Variants in EXOC6B observed in about 807,000 individuals in gnomAD.
EXOC6B encodes SEC15 homolog B.
In EXOC6B, 54 loss-of-function variants were observed where a neutral mutation model predicts 113.5. The ratio of observed to expected loss-of-function variants is 0.48; its 90% confidence interval spans 0.38 to 0.60. The LOEUF (loss-of-function observed/expected upper bound fraction) is 0.60, where lower values mean the gene tolerates loss of function less well. Ranked by LOEUF, EXOC6B falls within the 20% of genes least tolerant of loss-of-function variation. The pLI is 0.00. For missense variants in EXOC6B, 797 were observed against 977.5 expected (o/e 0.82, Z 2.46); for synonymous variants, 357 against 339.0 (o/e 1.05, Z -0.58).
intron 20 of EXOC6B, among the ~76,000 whole-genome samples, chr2:72,207,320 A>G (rs1384506375): frequency 1.3e-5 from 2 of 152,198 alleles, no homozygotes; most frequent in Non-Finnish European, 2.9e-5. Context: ...AGTGTGAGTT[A>G]CAATACAGCA....
intron 1 of EXOC6B, among the ~76,000 whole-genome samples, chr2:72,808,957 C>A (rs1435088910): frequency 6.6e-6 from 1 of 151,992 alleles, no homozygotes; most frequent in Non-Finnish European, 1.5e-5. Context: ...CACAGCTACT[C>A]AGGAGGCTGA....
At chr2:72,581,687 T>C (rs1307068027) in intron 6 of EXOC6B, among the ~76,000 whole-genome samples, 2 of 152,198 alleles carry the variant, frequency 1.3e-5, no homozygotes, top group African/African-American at 4.8e-5. Flanking sequence ...TCCCGCACCC[T>C]GCCCCTGCTG....
At chr2:72,296,804 A>G (rs1044161887) in intron 20 of EXOC6B, among the ~76,000 whole-genome samples, 1 of 152,164 alleles carries the variant, frequency 6.6e-6, no homozygotes, top group Non-Finnish European at 1.5e-5. Context: ...TTTTTTCCTC[A>G]GTTTCTAATC....
At chr2:72,650,526 G>A (rs544428460) in intron 6 of EXOC6B, among the ~76,000 whole-genome samples, 5 of 151,926 alleles carry the variant, frequency 3.3e-5, no homozygotes, top group Non-Finnish European at 7.4e-5. Context: ...ACTTGAACCC[G>A]GGAGGTGGAG....
chr2:72,626,992 C>G (rs1331525764), intron 6 of EXOC6B, among the ~76,000 whole-genome samples: 1 of 151,832 alleles, frequency 6.6e-6, no homozygotes, highest in African/African-American at 2.4e-5. Context: ...TTTTAATGAG[C>G]CTAAATGAGT....
chr2:72,279,963 A>G (rs1043149631), intron 20 of EXOC6B, among the ~76,000 whole-genome samples: 1 of 152,158 alleles, frequency 6.6e-6, no homozygotes, highest in Non-Finnish European at 1.5e-5. Context: ...GCCATTTAGA[A>G]ACTCATGACT....
At chr2:72,197,863 A>C (rs1448016368) in intron 20 of EXOC6B, among the ~76,000 whole-genome samples, 2 of 152,230 alleles carry the variant, frequency 1.3e-5, no homozygotes, top group African/African-American at 4.8e-5. Flanking sequence ...ACTAGAGTAC[A>C]TAATCCTCCT....
chr2:72,621,469 A>T (rs1310243104), intron 6 of EXOC6B, among the ~76,000 whole-genome samples: 1 of 152,180 alleles, frequency 6.6e-6, no homozygotes, highest in Admixed American at 6.5e-5. Context: ...ATATATGGAC[A>T]TAAACATGGG....
intron 1 of EXOC6B, among the ~76,000 whole-genome samples, chr2:72,805,799 C>T (rs1331282817): frequency 1.3e-5 from 2 of 152,122 alleles, no homozygotes; most frequent in Admixed American, 6.5e-5. Context: ...CTCCTCCAGC[C>T]TCTGGCAACC....
chr2:72,598,917 C>T (rs1159520751), intron 6 of EXOC6B, among the ~76,000 whole-genome samples: 1 of 151,992 alleles, frequency 6.6e-6, no homozygotes, highest in African/African-American at 2.4e-5. Flanking sequence ...AATTAATAAC[C>T]TTTCAAGACA....
chr2:72,535,183 C>CT (rs1372100257), intron 8 of EXOC6B, among the ~76,000 whole-genome samples: 1 of 152,128 alleles, frequency 6.6e-6, no homozygotes, highest in African/African-American at 2.4e-5. Flanking sequence ...GCAAGGACCT[C>CT]TTTTTTTAAG....
At chr2:72,784,292 G>C (rs1684247354) in intron 1 of EXOC6B, among the ~76,000 whole-genome samples, 1 of 152,072 alleles carries the variant, frequency 6.6e-6, no homozygotes, top group Non-Finnish European at 1.5e-5. Context: ...CTCTTGCTTT[G>C]TTCTTTTTGT....
chr2:72,268,484 G>A (rs1328266448), intron 20 of EXOC6B, among the ~76,000 whole-genome samples: 5 of 152,146 alleles, frequency 3.3e-5, no homozygotes, highest in African/African-American at 1.2e-4. Flanking sequence ...TGAAAAAAAT[G>A]TTGCAGAATG....
At chr2:72,633,301 T>C (rs1033821672) in intron 6 of EXOC6B, among the ~76,000 whole-genome samples, 1 of 152,132 alleles carries the variant, frequency 6.6e-6, no homozygotes, top group Non-Finnish European at 1.5e-5. Flanking sequence ...TCATACACTG[T>C]ATGTTGTTGT....
chr2:72,605,042 C>A (rs552936418), intron 6 of EXOC6B, among the ~76,000 whole-genome samples: 1 of 152,108 alleles, frequency 6.6e-6, no homozygotes, highest in South Asian at 2.1e-4. Context: ...GCCTGTAATC[C>A]CAGCACTTTG....
intron 1 of EXOC6B, among the ~76,000 whole-genome samples, chr2:72,764,010 T>C (rs1682904876): frequency 6.6e-6 from 1 of 151,822 alleles, no homozygotes; most frequent in South Asian, 2.1e-4. Flanking sequence ...GCCCAGGAGG[T>C]CAAGGCTCCA....
At chr2:72,736,483 C>T (rs1680971674) in intron 2 of EXOC6B, among the ~76,000 whole-genome samples, 1 of 152,110 alleles carries the variant, frequency 6.6e-6, no homozygotes, top group Non-Finnish European at 1.5e-5. Context: ...TCCTGCTAGA[C>T]ATTAATCCCC....
rs114653261 is a variant in EXOC6B at position 72,524,877 on chromosome 2, C to A, written c.916-9751G>T. ...ATAGATAATTTATCATTAAAAATATCATTACTTCCAAAGGCCCCAATTCTT... is the reference window on the plus strand; with the variant it reads ...ATAGATAATTTATCATTAAAAATATAATTACTTCCAAAGGCCCCAATTCTT... On this transcript the variant is annotated intron_variant, in intron 8 of 21. Transcript: ENST00000272427. Among the ~76,000 whole-genome samples, 750 of 152,298 alleles carry A rather than the reference C, an allele frequency of 4.9e-3. 11 individuals carry two copies. The highest frequency in any genetic ancestry group is 0.017 in the African/African-American group (697 of 41,566).
At chr2:72,516,305 T>G (rs1195988950) in intron 8 of EXOC6B, among the ~76,000 whole-genome samples, 1 of 152,176 alleles carries the variant, frequency 6.6e-6, no homozygotes, top group East Asian at 1.9e-4. Flanking sequence ...TGGAGTGCAG[T>G]GGCACAGTCT....
Sources: gnomAD v4.1 joint callset for allele counts (sites outside exome capture counted in the v4.1 genomes callset) on GRCh38, gnomAD v4.1.1 for gene constraint, MANE v1.5 for transcripts, NCBI Gene and HGNC (gene_info 2026-07-23, HGNC 2026-07-21) for gene names.